NOP53: variants seen among roughly 807,000 people sequenced by gnomAD.
The protein encoded by NOP53 is ribosome biogenesis protein NOP53.
Under a neutral mutation model 61.0 loss-of-function variants are expected in NOP53, and 40 were observed. The ratio of observed to expected loss-of-function variants is 0.66; its 90% confidence interval spans 0.51 to 0.85. The LOEUF (loss-of-function observed/expected upper bound fraction) is 0.85. Ranked by LOEUF, NOP53 falls within the 40% of genes least tolerant of loss-of-function variation. The pLI is 0.00. For synonymous variants in NOP53, 308 were observed against 289.5 expected, an observed-to-expected ratio of 1.06 and a Z score of -0.65; for missense variants, 689 against 652.9, an observed-to-expected ratio of 1.06 and a Z score of -0.60.
intron 2 of NOP53, among the ~76,000 whole-genome samples, chr19:47,748,171 C>G (rs1193432981): frequency 6.6e-6 from 1 of 152,010 alleles, no homozygotes; most frequent in African/African-American, 2.4e-5. Context: ...GTGATCCACC[C>G]GCCTTGGCCT....
intron 2 of NOP53, among the ~76,000 whole-genome samples, chr19:47,748,696 A>C (rs900229145): frequency 1.3e-5 from 2 of 152,016 alleles, no homozygotes; most frequent in African/African-American, 4.8e-5. Context: ...GGGGTTGGAG[A>C]CCAGCCTGGG....
At chr19:47,748,646 C>G (rs1374932654) in intron 2 of NOP53, among the ~76,000 whole-genome samples, 14 of 152,108 alleles carry the variant, frequency 9.2e-5, no homozygotes, top group Admixed American at 9.2e-4. Flanking sequence ...GTAAGCCCAG[C>G]GCTTTGGGAG....
At chr19:47,746,790 A>G (rs1199206840) in intron 1 of NOP53, 177 bp from the exon 2 acceptor site, 2 of 551,014 alleles carry the variant, frequency 3.6e-6, no homozygotes, top group Non-Finnish European at 6.5e-6. Context: ...GGCGTGAGCC[A>G]CTGCGCCTGG....
At chr19:47,751,679 G>C in intron 5 of NOP53, 89 bp downstream of exon 5, 2 of 1,026,732 alleles carry the variant, frequency 1.9e-6, no homozygotes, top group South Asian at 2.6e-5. Flanking sequence ...GTCTGTCTCA[G>C]AGCCCTTCCA....
At chr19:47,747,552 G>T (rs1967079174) in intron 2 of NOP53, among the ~76,000 whole-genome samples, 2 of 151,934 alleles carry the variant, frequency 1.3e-5, no homozygotes, top group Non-Finnish European at 1.5e-5. Context: ...TGAGGCAGGA[G>T]AATCACTTGA....
rs370153104 is a variant in NOP53, at chr19:47,747,020, C to T, written c.278C>T (p.Ser93Phe). ...NEKLFFVDTGSKEKGLTKKRT... is the reference protein window; with the variant it reads ...NEKLFFVDTGFKEKGLTKKRT... ...AAACTCTTCTTCGTGGACACTGGCT[C>T]CAAGGAAAAAGGTGAGGAGAGGCTT... The change falls in exon 2 of 13, where the codon TCC (serine) becomes TTC (phenylalanine). Residue 93 changes from serine (S) to phenylalanine (F), a missense_variant. Ser to Phe is a radical substitution (Grantham distance 155). Coordinates refer to ENST00000246802, the MANE Select transcript of NOP53 (RefSeq NM_015710.5). 1.2e-6 allele frequency: 2 copies of T among 1,613,314 alleles called. No homozygotes were observed. The highest frequency in any genetic ancestry group is 2.2e-5 in the South Asian group (2 of 90,998).
Position 47,757,051 on chromosome 19 carries a change from C to G in NOP53, c.*46C>G. 2 of 1,609,528 alleles carry G rather than the reference C, an allele frequency of 1.2e-6. No homozygotes were observed. Among genetic ancestry groups the G allele is most frequent in the Non-Finnish European group, 8.5e-7 (1 of 1,175,772 alleles). On this transcript the variant is annotated 3_prime_UTR_variant, in exon 13 of 13. Transcript: ENST00000246802. ...CTCGCCCTTCAATAAAAAATCTCTTCTAGCTGATCAGTGGGCTCCACGTGT... is the reference window on the plus strand; with the variant it reads ...CTCGCCCTTCAATAAAAAATCTCTTGTAGCTGATCAGTGGGCTCCACGTGT...
At chr19:47,753,465 A>C (rs1568599739) in intron 6 of NOP53, 1 of 152,232 alleles carries the variant, frequency 6.6e-6, no homozygotes, top group Non-Finnish European at 1.5e-5. Flanking sequence ...TCCCTCAAGG[A>C]ACAGCCCTTC....
Sources: allele counts gnomAD v4.1 joint callset (sites outside exome capture counted in the v4.1 genomes callset), GRCh38; gene constraint gnomAD v4.1.1; transcripts MANE v1.5; gene names NCBI Gene and HGNC (gene_info 2026-07-23, HGNC 2026-07-21).